PLCXD3: variants seen among roughly 807,000 people sequenced by gnomAD.
The protein encoded by PLCXD3 is PI-PLC X domain-containing protein 3.
A neutral mutation model predicts 25.5 loss-of-function variants in PLCXD3; 19 were observed. That is an observed-to-expected ratio of 0.75 (90% CI 0.52 to 1.09). The LOEUF (loss-of-function observed/expected upper bound fraction) is 1.09, where lower values mean the gene tolerates loss of function less well. Among genes scored for constraint, PLCXD3 ranks in the 50% least tolerant of loss-of-function variants. The pLI, the probability that PLCXD3 is intolerant of heterozygous loss-of-function variation, is 0.00. For synonymous variants in PLCXD3, 174 were observed against 137.6 expected, an observed-to-expected ratio of 1.26 and a Z score of -1.85; for missense variants, 411 against 388.1, an observed-to-expected ratio of 1.06 and a Z score of -0.50.
intron 1 of PLCXD3, among the ~76,000 whole-genome samples, chr5:41,441,880 T>C (rs1243638880): frequency 6.6e-6 from 1 of 152,216 alleles, no homozygotes; most frequent in East Asian, 1.9e-4. Context: ...GTTTTGATCA[T>C]CTCTAAACAT....
intron 2 of PLCXD3, among the ~76,000 whole-genome samples, chr5:41,353,355 C>A (rs1361714748): frequency 6.6e-6 from 1 of 152,024 alleles, no homozygotes; most frequent in Non-Finnish European, 1.5e-5. Context: ...CCCGCCTCGG[C>A]CTCCCAACGT....
chr5:41,441,471 G>A (rs1262800841), intron 1 of PLCXD3, among the ~76,000 whole-genome samples: 1 of 152,038 alleles, frequency 6.6e-6, no homozygotes, highest in Non-Finnish European at 1.5e-5. Context: ...CTCATTTTAT[G>A]GCCAAAATTA....
intron 2 of PLCXD3, among the ~76,000 whole-genome samples, chr5:41,374,380 G>T (rs1346072271): frequency 2.0e-5 from 3 of 152,128 alleles, no homozygotes; most frequent in Non-Finnish European, 4.4e-5. Context: ...TGATTTACAA[G>T]CCAGAATCCC....
At chr5:41,481,090 AG>A (rs1561285783) in intron 1 of PLCXD3, among the ~76,000 whole-genome samples, 2 of 146,294 alleles carry the variant, frequency 1.4e-5, no homozygotes, top group Non-Finnish European at 3.0e-5. Flanking sequence ...GAAATAATGA[AG>A]ACCTAATTTG....
At chr5:41,346,972 G>A (rs1028255416) in intron 2 of PLCXD3, among the ~76,000 whole-genome samples, 4 of 152,290 alleles carry the variant, frequency 2.6e-5, no homozygotes, top group Middle Eastern at 3.4e-3. Context: ...ACATCCACGT[G>A]CAGGTTTTTG....
At chr5:41,445,758 CT>C (rs1467111990) in intron 1 of PLCXD3, among the ~76,000 whole-genome samples, 1 of 152,098 alleles carries the variant, frequency 6.6e-6, no homozygotes. Context: ...GTTGCCTGTG[CT>C]TTTGAGGTCT....
chr5:41,355,063 A>C (rs1330220148), intron 2 of PLCXD3, among the ~76,000 whole-genome samples: 1 of 152,166 alleles, frequency 6.6e-6, no homozygotes, highest in East Asian at 1.9e-4. Context: ...CTGAATATAG[A>C]CACACATCAA....
intron 2 of PLCXD3, among the ~76,000 whole-genome samples, chr5:41,327,309 A>C (rs1743659887): frequency 6.6e-6 from 1 of 152,168 alleles, no homozygotes; most frequent in Non-Finnish European, 1.5e-5. Flanking sequence ...CAGGTCGTTA[A>C]GGACTTCCTT....
At chr5:41,429,446 A>C (rs1747040904) in intron 1 of PLCXD3, among the ~76,000 whole-genome samples, 1 of 152,082 alleles carries the variant, frequency 6.6e-6, no homozygotes. Flanking sequence ...GTTATGTTGT[A>C]TTACCTTAGC....
intron 1 of PLCXD3, among the ~76,000 whole-genome samples, chr5:41,503,657 C>T (rs1045336307): frequency 6.6e-6 from 1 of 152,132 alleles, no homozygotes; most frequent in South Asian, 2.1e-4. Flanking sequence ...TCCACCTGAA[C>T]CATGATTAAA....
intron 1 of PLCXD3, among the ~76,000 whole-genome samples, chr5:41,490,047 T>C (rs1022152821): frequency 6.6e-6 from 1 of 152,030 alleles, no homozygotes; most frequent in African/African-American, 2.4e-5. Flanking sequence ...TTTTTGCCCA[T>C]TCAGTATGAT....
At chr5:41,454,401 G>A (rs897600566) in intron 1 of PLCXD3, among the ~76,000 whole-genome samples, 2 of 151,950 alleles carry the variant, frequency 1.3e-5, no homozygotes, top group African/African-American at 4.8e-5. Context: ...CTACTTTCTG[G>A]TTCACAGATG....
chr5:41,322,641 A>C (rs193097096), intron 2 of PLCXD3, among the ~76,000 whole-genome samples: 2 of 152,368 alleles, frequency 1.3e-5, no homozygotes, highest in South Asian at 4.1e-4. Context: ...GTAATACCTA[A>C]GATTTGGAAG....
intron 2 of PLCXD3, among the ~76,000 whole-genome samples, chr5:41,346,517 A>T (rs1398285633): frequency 6.6e-6 from 1 of 152,000 alleles, no homozygotes; most frequent in Non-Finnish European, 1.5e-5. Context: ...AAACCTTACA[A>T]CTGATCTTTC....
chr5:41,379,892 G>T (rs967084970), intron 2 of PLCXD3, among the ~76,000 whole-genome samples: 1 of 152,034 alleles, frequency 6.6e-6, no homozygotes, highest in Non-Finnish European at 1.5e-5. Context: ...GACATTAGCA[G>T]AAATCATAGA....
intron 2 of PLCXD3, among the ~76,000 whole-genome samples, chr5:41,357,578 G>T (rs1744653925): frequency 6.6e-6 from 1 of 152,156 alleles, no homozygotes; most frequent in Non-Finnish European, 1.5e-5. Flanking sequence ...AGCTGACCAG[G>T]CAGTCAACCA....
intron 2 of PLCXD3, among the ~76,000 whole-genome samples, chr5:41,358,459 C>T (rs557186644): frequency 3.3e-5 from 5 of 152,138 alleles, no homozygotes; most frequent in Admixed American, 1.3e-4. Flanking sequence ...CCCCCACTCC[C>T]GCTCTTTCCC....
chr5:41,380,412 C>T (rs1745420719), intron 2 of PLCXD3, among the ~76,000 whole-genome samples: 1 of 152,080 alleles, frequency 6.6e-6, no homozygotes, highest in Non-Finnish European at 1.5e-5. Context: ...CTATTAACTG[C>T]TCGCTCTCTC....
At chr5:41,426,748 A>G (rs1361248026) in intron 1 of PLCXD3, among the ~76,000 whole-genome samples, 2 of 152,092 alleles carry the variant, frequency 1.3e-5, no homozygotes, top group African/African-American at 2.4e-5. Flanking sequence ...TCATTTGCTT[A>G]CCATTACTTC....
Sources: gnomAD v4.1 joint callset for allele counts (sites outside exome capture counted in the v4.1 genomes callset) on GRCh38, gnomAD v4.1.1 for gene constraint, MANE v1.5 for transcripts, NCBI Gene and HGNC (gene_info 2026-07-23, HGNC 2026-07-21) for gene names.